Variants in CTNND2 observed in about 807,000 individuals in gnomAD.
The protein encoded by CTNND2 is catenin delta 2, also known as catenin delta-2.
A neutral mutation model predicts 144.4 loss-of-function variants in CTNND2; 22 were observed. The observed-to-expected ratio is 0.15, with a 90% confidence interval of 0.11 to 0.22. The LOEUF (loss-of-function observed/expected upper bound fraction) is 0.22. Among genes scored for constraint, CTNND2 ranks in the 10% least tolerant of loss-of-function variants. The pLI is 1.00. For missense variants in CTNND2, 1,353 were observed against 1,618.8 expected (o/e 0.84, Z 2.82); for synonymous variants, 751 against 695.6 (o/e 1.08, Z -1.25).
At chr5:11,302,199 G>A (rs1211667422) in intron 9 of CTNND2, among the ~76,000 whole-genome samples, 1 of 152,118 alleles carries the variant, frequency 6.6e-6, no homozygotes, top group Non-Finnish European at 1.5e-5. Context: ...CATCAGTACT[G>A]AGAGGAAGGA....
At chr5:11,087,369 G>A (rs1191614589) in intron 15 of CTNND2, among the ~76,000 whole-genome samples, 2 of 152,114 alleles carry the variant, frequency 1.3e-5, no homozygotes, top group Non-Finnish European at 2.9e-5. Flanking sequence ...ATTAGGAAAC[G>A]GCATGGCTTT....
At chr5:11,197,141 T>C (rs968245245) in intron 11 of CTNND2, among the ~76,000 whole-genome samples, 1 of 152,114 alleles carries the variant, frequency 6.6e-6, no homozygotes, top group African/African-American at 2.4e-5. Context: ...TTTACTAGAG[T>C]GGAAGCTTGG....
intron 1 of CTNND2, among the ~76,000 whole-genome samples, chr5:11,751,998 G>A (rs1397692196): frequency 6.6e-6 from 1 of 151,562 alleles, no homozygotes; most frequent in African/African-American, 2.4e-5. Flanking sequence ...ATTGTTGGCT[G>A]TGCACAGTCT....
At chr5:11,614,829 G>A (rs1186579894) in intron 2 of CTNND2, among the ~76,000 whole-genome samples, 1 of 152,144 alleles carries the variant, frequency 6.6e-6, no homozygotes, top group Non-Finnish European at 1.5e-5. Context: ...ATATCAGTGT[G>A]GCCCTGGACA....
At chr5:11,008,660 G>A (rs1740739491) in intron 18 of CTNND2, among the ~76,000 whole-genome samples, 1 of 152,180 alleles carries the variant, frequency 6.6e-6, no homozygotes, top group Non-Finnish European at 1.5e-5. Flanking sequence ...CGAAGTCTTA[G>A]ACCTTCCACT....
At chr5:11,257,206 T>C (rs1426500464) in intron 9 of CTNND2, among the ~76,000 whole-genome samples, 1 of 152,128 alleles carries the variant, frequency 6.6e-6, no homozygotes, top group African/African-American at 2.4e-5. Flanking sequence ...TCCAGAATTG[T>C]GTTGTGAAGG....
chr5:11,603,530 A>C (rs1273646944), intron 2 of CTNND2, among the ~76,000 whole-genome samples: 1 of 151,960 alleles, frequency 6.6e-6, no homozygotes, highest in Non-Finnish European at 1.5e-5. Context: ...GAAATAGACT[A>C]GAGGCCTCAA....
intron 15 of CTNND2, chr5:11,083,753 C>T (rs1476921588): frequency 7.8e-6 from 2 of 254,890 alleles, no homozygotes; most frequent in Admixed American, 6.4e-5. Context: ...ATTACATTCA[C>T]GCAATGAGGC....
chr5:11,751,972 A>G (rs1788649128), intron 1 of CTNND2, among the ~76,000 whole-genome samples: 1 of 151,720 alleles, frequency 6.6e-6, no homozygotes, highest in East Asian at 1.9e-4. Context: ...TCATGATGTT[A>G]AGTACTTTTT....
chr5:11,458,603 A>C (rs560162359), intron 3 of CTNND2, among the ~76,000 whole-genome samples: 1 of 152,252 alleles, frequency 6.6e-6, no homozygotes, highest in East Asian at 1.9e-4. Context: ...TCTCTAGTCC[A>C]TTATTTTTCT....
At chr5:10,987,532 CT>C (rs1301929302) in intron 20 of CTNND2, among the ~76,000 whole-genome samples, 1 of 152,146 alleles carries the variant, frequency 6.6e-6, no homozygotes, top group Non-Finnish European at 1.5e-5. Context: ...AAGGAAGCTT[CT>C]TTGGGATATG....
chr5:11,407,030 T>C (rs186755638), intron 5 of CTNND2, among the ~76,000 whole-genome samples: 2 of 152,340 alleles, frequency 1.3e-5, no homozygotes, highest in East Asian at 3.9e-4. Context: ...TTATCCTTTC[T>C]ATTTCTTATT....
chr5:11,248,722 G>T (rs1052360638), intron 9 of CTNND2, among the ~76,000 whole-genome samples: 1 of 152,178 alleles, frequency 6.6e-6, no homozygotes, highest in African/African-American at 2.4e-5. Context: ...ACCATCTCTT[G>T]AGATTCCACA....
intron 9 of CTNND2, among the ~76,000 whole-genome samples, chr5:11,281,153 CG>C (rs1484113352): frequency 4.6e-5 from 7 of 152,240 alleles, no homozygotes; most frequent in African/African-American, 1.7e-4. Flanking sequence ...TAATGGCAGA[CG>C]TTTGCTCCTT....
At chr5:11,361,512 C>T (rs535692244) in intron 8 of CTNND2, among the ~76,000 whole-genome samples, 4 of 152,272 alleles carry the variant, frequency 2.6e-5, no homozygotes, top group Admixed American at 2.6e-4. Flanking sequence ...GCATATTACT[C>T]AACATCTCTG....
At chr5:11,243,439 G>T (rs1273286042) in intron 9 of CTNND2, among the ~76,000 whole-genome samples, 1 of 152,174 alleles carries the variant, frequency 6.6e-6, no homozygotes, top group African/African-American at 2.4e-5. Context: ...GAACCCCTTA[G>T]AGCAGTGGCT....
chr5:11,032,991 T>C (rs141780645), intron 16 of CTNND2, among the ~76,000 whole-genome samples: 116 of 152,326 alleles, frequency 7.6e-4, no homozygotes, highest in African/African-American at 2.5e-3. Flanking sequence ...TACTGCAATG[T>C]TAATTTCCTG....
In CTNND2 at chr5:11,110,860, G is replaced by C. The variant is rs1397485836; in HGVS notation, c.2461C>G (p.Gln821Glu). 2 of 1,611,704 alleles carry C rather than the reference G, an allele frequency of 1.2e-6. No individual in the cohort carries two copies. The highest frequency in any genetic ancestry group is 1.3e-5 in the African/African-American group (1 of 74,894). The change falls in exon 14 of 22, where the codon CAG becomes GAG. Residue 821 changes from glutamine (Q) to glutamate (E), a missense_variant and splice_region_variant. Physicochemically the swap from Gln to Glu is conservative, Grantham distance 29. This residue lies in a region of CTNND2 where 459 missense variants were observed against 674.3 expected (regional missense o/e 0.68). Transcript: ENST00000304623. ...CAGCTGCAAGCAGCCTGCATCACCT[G>C]ATCTTGGGATTTCTTTTTCTTCTTC... The part of the protein sequence containing the change: ...KKKKKKKSQD[Q>E]WDGVGPLPDC...
chr5:10,988,199 T>C lies in CTNND2; in HGVS notation c.3255A>G (p.Glu1085=). ...CGGTGCACTCGTAGTCTGTTTTCCT[T>C]TCTTTGAGGCTGATCATTTCCCGAG... is the stretch of plus-strand genomic sequence containing the variant. The part of the protein sequence containing the change: ...ASPREMISLK[E]RKTDYECTGS... Residue 1085 remains glutamate (E), a synonymous_variant, in exon 20 of 22, where the codon GAA becomes GAG. Transcript: ENST00000304623. This position sits in a 1 kb window ranked among gnomAD's most constrained non-coding sequence, Gnocchi z 5.9. The C allele has an allele frequency of 6.8e-6, 11 of 1,614,194 alleles. No individual in the cohort carries two copies. Among genetic ancestry groups the C allele is most frequent in the Non-Finnish European group, 9.3e-6 (11 of 1,180,030 alleles).
Sources: gnomAD v4.1 joint callset for allele counts (sites outside exome capture counted in the v4.1 genomes callset) on GRCh38, gnomAD v4.1.1 for gene constraint, gnomAD v4.1.1 regional missense constraint, Gnocchi (gnomAD v3.1) non-coding constraint, MANE v1.5 for transcripts, NCBI Gene and HGNC (gene_info 2026-07-23, HGNC 2026-07-21) for gene names.